THBS3: variants seen among roughly 807,000 people sequenced by gnomAD.
THBS3 encodes the protein thrombospondin 3, also known as thrombospondin-3.
THBS3 carries 78 observed loss-of-function variants against 118.3 expected under a neutral mutation model. The ratio of observed to expected loss-of-function variants is 0.66; its 90% CI spans 0.55 to 0.80. THBS3 has a LOEUF of 0.80. Among genes scored for constraint, THBS3 ranks in the 30% least tolerant of loss-of-function variants. The probability of loss-of-function intolerance (pLI) is 0.00; values close to 1 mark genes in which losing one functional copy is unlikely to be tolerated. For synonymous variants in THBS3, 427 were observed against 475.3 expected, an observed-to-expected ratio of 0.90 and a Z score of 1.32; for missense variants, 1,057 against 1,247.4, an observed-to-expected ratio of 0.85 and a Z score of 2.30.
In THBS3 at chr1:155,196,073, T is replaced by A. The variant is rs753423227; in HGVS notation, c.2726A>T (p.Asp909Val). 1.2e-6 allele frequency: 2 copies of A among 1,614,138 alleles called. No individual in the cohort carries two copies. Among genetic ancestry groups the A allele is most frequent in the South Asian group, 2.2e-5 (2 of 91,066 alleles). The change falls in exon 22 of 23, where the codon GAC becomes GTC. Residue 909 changes from aspartate to valine, a missense_variant. By Grantham distance (152) the Asp-to-Val change is radical. Coordinates refer to ENST00000368378, the MANE Select transcript of THBS3 (RefSeq NM_007112.5). Reference protein sequence around the residue: ...QLVADSGVIIDTSMRGGRLGV... With the variant: ...QLVADSGVIIVTSMRGGRLGV... ...AAGACGCCCCCCTCGCATGGATGTG[T>A]CAATGATCACCCCAGAATCCGCCAC...
chr1:155,207,250 C>A (rs1670687915), intron 1 of THBS3, among the ~76,000 whole-genome samples: 2 of 152,212 alleles, frequency 1.3e-5, no homozygotes, highest in African/African-American at 4.8e-5. Context: ...AATGTAGGAC[C>A]CAGCTCCTCT....
chr1:155,208,811 C>A, upstream of THBS3: 1 of 1,555,900 alleles, frequency 6.4e-7, no homozygotes. Context: ...AAACATGCTG[C>A]TCGGGGGACC....
rs1285429476 is a variant in THBS3, at chr1:155,201,099, T to C, written c.1435A>G (p.Lys479Glu). 1 of 1,614,098 alleles carries C rather than the reference T, an allele frequency of 6.2e-7. No individual in the cohort carries two copies. The highest frequency in any genetic ancestry group is 2.2e-5 in the East Asian group (1 of 44,890). ...TGCCCGCCTGCTCCCTGCACCTGTT[T>C]GCAGTGTTTGTTGTTGTCCATGCAG... ...LPCMDNNKHC[K>E]QDNCLLTPNS... Residue 479 changes from lysine to glutamate, a missense_variant, in exon 12 of 23, where the codon AAA becomes GAA. Coordinates refer to ENST00000368378, the MANE Select transcript of THBS3 (RefSeq NM_007112.5).
rs1670653185 is a variant in THBS3, at chr1:155,207,029, G to A, written c.80-623C>T. On this transcript the variant is annotated intron_variant, in intron 1 of 22. Coordinates refer to ENST00000368378, the MANE Select transcript of THBS3 (RefSeq NM_007112.5). ...AGATGCCCCCACCAGGTGGCGCAAA[G>A]GAGATGCTGTGCTGATCCCCCACAG... 3.3e-5 allele frequency among the ~76,000 whole-genome samples: 5 copies of A among 152,272 alleles called. No individual in the cohort carries two copies. The South Asian group carries it at 1.0e-3, about 32-fold the overall frequency.
At chr1:155,208,884 A>G, upstream of THBS3, 3 of 1,611,736 alleles carry the variant, frequency 1.9e-6, no homozygotes, top group Non-Finnish European at 2.5e-6. Flanking sequence ...GGCCACGTGC[A>G]GTTTGGCAAG....
Position 155,204,890 on chromosome 1 carries a change from C to T in THBS3, c.611G>A (p.Cys204Tyr). ...SMARVGALSE[C>Y]PFQGDESIHS... ...GATGGACTCGTCCCCTTGGAATGGA[C>T]ACTCACTCAGGGCTCCTACCCGGGC... The change falls in exon 4 of 23, where the codon TGT becomes TAT. Residue 204 changes from cysteine to tyrosine, a missense_variant. Cys to Tyr is a radical substitution (Grantham distance 194). Transcript: ENST00000368378. 2 of 1,613,960 alleles carry T rather than the reference C, an allele frequency of 1.2e-6. No homozygotes were observed. Among genetic ancestry groups the T allele is most frequent in the Non-Finnish European group, 1.7e-6 (2 of 1,180,008 alleles).
chr1:155,204,024 G>A (rs1289627241), intron 4 of THBS3, among the ~76,000 whole-genome samples: 1 of 151,988 alleles, frequency 6.6e-6, no homozygotes, highest in African/African-American at 2.4e-5. Flanking sequence ...TTTTTTAGTA[G>A]AGAGGAGGTT....
Position 155,197,686 on chromosome 1 carries a change from G to C in THBS3, c.2303-27C>G. ...TGGGGTGGGGGTGGGATAAAGGTCA[G>C]GGGCAGCAAAGCTACTGGCGGCCCA... On this transcript the variant is annotated intron_variant, in intron 19 of 22. Coordinates refer to ENST00000368378, the MANE Select transcript of THBS3 (RefSeq NM_007112.5). This position sits in a 1 kb window ranked among gnomAD's most constrained non-coding sequence, Gnocchi z 5.0. The C allele has an allele frequency of 1.2e-6, 2 of 1,608,744 alleles. No individual in the cohort carries two copies. Among genetic ancestry groups the C allele is most frequent in the Non-Finnish European group, 1.7e-6 (2 of 1,175,674 alleles).
At chr1:155,203,597 T>C (rs1254635256) in intron 4 of THBS3, 58 bp from the exon 5 acceptor site, 5 of 1,602,756 alleles carry the variant, frequency 3.1e-6, no homozygotes, top group South Asian at 1.1e-5. Context: ...AGAGGCCTGG[T>C]TGGTGAGAAG....
chr1:155,203,225 G>C lies in THBS3; in HGVS notation c.754C>G (p.Gln252Glu), dbSNP rs746677499. 2 of 1,614,152 alleles carry C rather than the reference G, an allele frequency of 1.2e-6. No individual in the cohort carries two copies. Among genetic ancestry groups the C allele is most frequent in the Non-Finnish European group, 8.5e-7 (1 of 1,180,026 alleles). Reference sequence around the variant, plus strand: ...ACCCTTCGCCAGCCCACCCAAACCTGGTCTCGTATATCATCCCGCAGCTCC... The same window carrying C: ...ACCCTTCGCCAGCCCACCCAAACCTCGTCTCGTATATCATCCCGCAGCTCC... The part of the protein sequence containing the change: ...LVELRDDIRD[Q>E]VKEMSLIRNT... The change falls in exon 6 of 23, where the codon CAG becomes GAG. Residue 252 changes from glutamine (Q) to glutamate (E), a missense_variant and splice_region_variant. By Grantham distance (29) the Gln-to-Glu change is conservative (BLOSUM62 2). This residue lies in a region of THBS3 where 544 missense variants were observed against 715.6 expected (regional missense o/e 0.76). Transcript: ENST00000368378.
In THBS3 at chr1:155,206,147, G is replaced by T; in HGVS notation, c.286+53C>A. The T allele has an allele frequency of 6.3e-7, 1 of 1,589,278 alleles. No individual in the cohort carries two copies. Among genetic ancestry groups the T allele is most frequent in the Non-Finnish European group, 8.6e-7 (1 of 1,161,118 alleles). On this transcript the variant is annotated intron_variant, in intron 2 of 22. Transcript: ENST00000368378. This position sits in a 1 kb window ranked among gnomAD's most constrained non-coding sequence, Gnocchi z 4.2. ...GAAGCACTTGGGAAGTAGGGATGAG[G>T]GAGAGTGCTTAAGGAGGTCACCATT...
rs1302213848 is a variant in THBS3, at chr1:155,206,429, G to A, written c.80-23C>T. The stretch of plus-strand genomic sequence containing the variant: ...TTACTGGTCAGGCAGGGGTTATCAA[G>A]GTTAGAGAATGGGATCAAATGCTAA... On this transcript the variant is annotated intron_variant, in intron 1 of 22. Transcript: ENST00000368378. The surrounding 1 kb of genome is among the most constrained non-coding windows in gnomAD (Gnocchi z 4.2). The A allele has an allele frequency of 1.2e-6, 2 of 1,610,488 alleles. No homozygotes were observed. The highest frequency in any genetic ancestry group is 2.7e-5 in the African/African-American group (2 of 74,838).
At chr1:155,205,354 C>A in intron 2 of THBS3, 38 bp from the exon 3 acceptor site, 1 of 1,595,784 alleles carries the variant, frequency 6.3e-7, no homozygotes, top group Non-Finnish European at 8.6e-7. Flanking sequence ...CGCTATCCCC[C>A]ACCCCCTGCC....
rs182936472 is a variant in THBS3 at position 155,206,689 on chromosome 1, C to A, written c.80-283G>T. 0.022 allele frequency among the ~76,000 whole-genome samples: 3,339 copies of A among 151,686 alleles called. 46 individuals are homozygous for A. The highest frequency in any genetic ancestry group is 0.042 in the Admixed American group (633 of 15,250). ...AACAACAACAAAAAAGAAAAAAAAACCACCTAGCCGGGCGTGGTGGCGGGC... is the reference window on the plus strand; with the variant it reads ...AACAACAACAAAAAAGAAAAAAAAAACACCTAGCCGGGCGTGGTGGCGGGC... On this transcript the variant is annotated intron_variant, in intron 1 of 22. Transcript: ENST00000368378. This position sits in a 1 kb window ranked among gnomAD's most constrained non-coding sequence, Gnocchi z 4.2.
rs1043020943 is a variant in THBS3, at chr1:155,201,558, C to T, written c.1188G>A (p.Lys396=). ...SICTNTVGSF[K]CGPCRLGFLG... ...GGAAACCCAGGCGGCAGGGACCACA[C>T]TTGAAAGAGCCCTAAGAGTGGAGAG... The change falls in exon 11 of 23, where the codon AAG becomes AAA. Residue 396 remains lysine, a synonymous_variant. Coordinates refer to ENST00000368378, the MANE Select transcript of THBS3 (RefSeq NM_007112.5). The T allele has an allele frequency of 1.2e-6, 2 of 1,613,858 alleles. No individual in the cohort carries two copies. Among genetic ancestry groups the T allele is most frequent in the Middle Eastern group, 1.6e-4 (1 of 6,084 alleles).
At position 155,202,913 on chromosome 1, in the gene THBS3, C is replaced by G. The variant is rs1253362244; in HGVS notation, c.856G>C (p.Gly286Arg). ...TCGTACACTTCCATGCAGTCCACAC[C>G]TCGGAAGCAGGGATTGGGGCTGCAG... ...SHCSPNPCFR[G>R]VDCMEVYEYP... is the part of the protein sequence containing the mutation. The change falls in exon 8 of 23, where the codon GGT becomes CGT. Residue 286 changes from glycine to arginine, a missense_variant. Gly to Arg is a moderately radical substitution (Grantham distance 125). Transcript: ENST00000368378. The surrounding 1 kb of genome is among the most constrained non-coding windows in gnomAD (Gnocchi z 5.5). 6.2e-7 allele frequency: 1 copy of G among 1,613,950 alleles called. No individual in the cohort carries two copies. The highest frequency in any genetic ancestry group is 8.5e-7 in the Non-Finnish European group (1 of 1,180,036).
chr1:155,199,698 T>C (rs960493936), intron 16 of THBS3, 106 bp downstream of exon 16: 2 of 1,222,020 alleles, frequency 1.6e-6, no homozygotes, highest in Non-Finnish European at 2.3e-6. Flanking sequence ...GAGGTTGCAG[T>C]GAGCCAAGAT....
In THBS3 at chr1:155,201,016, G is replaced by T. The variant is rs1464911741; in HGVS notation, c.1441-12C>A. 5 of 1,614,084 alleles carry T rather than the reference G, an allele frequency of 3.1e-6. No individual in the cohort carries two copies. The Admixed American group carries it at 8.3e-5, about 27-fold the overall frequency. On this transcript the variant is annotated splice_polypyrimidine_tract_variant and intron_variant, in intron 12 of 22. Transcript: ENST00000368378. Reference sequence around the variant, plus strand: ...AAAAGGCAGTTGTCCTAAAGTTCAGGGGAAGAGGATGGATGAGTTCTGGCC... The same window carrying T: ...AAAAGGCAGTTGTCCTAAAGTTCAGTGGAAGAGGATGGATGAGTTCTGGCC...
At position 155,202,486 on chromosome 1, in the gene THBS3, G is replaced by C; in HGVS notation, c.958-85C>G. On this transcript the variant is annotated intron_variant, in intron 8 of 22. Coordinates refer to ENST00000368378, the MANE Select transcript of THBS3 (RefSeq NM_007112.5). The surrounding 1 kb of genome is among the most constrained non-coding windows in gnomAD (Gnocchi z 5.5). ...CTGTGATCCAGGAACCATTGCTCCA[G>C]GTCTCCCCTTTGTGCAGCTCTCCCC... is the stretch of plus-strand genomic sequence containing the variant. The C allele has an allele frequency of 4.5e-6, 7 of 1,554,524 alleles. No homozygotes were observed. The highest frequency in any genetic ancestry group is 6.1e-6 in the Non-Finnish European group (7 of 1,149,958).
Sources: gnomAD v4.1 joint callset for allele counts (sites outside exome capture counted in the v4.1 genomes callset) on GRCh38, gnomAD v4.1.1 for gene constraint, gnomAD v4.1.1 regional missense constraint, Gnocchi (gnomAD v3.1) non-coding constraint, MANE v1.5 for transcripts, NCBI Gene and HGNC (gene_info 2026-07-23, HGNC 2026-07-21) for gene names.